Variants in SDK1 observed in about 807,000 individuals in gnomAD.
SDK1 encodes the protein sidekick cell adhesion molecule 1.
SDK1 carries 157 observed loss-of-function variants against 245.5 expected under a neutral mutation model. That is an observed-to-expected ratio of 0.64 (90% CI 0.56 to 0.73). The LOEUF (loss-of-function observed/expected upper bound fraction) is 0.73, where lower values mean the gene tolerates loss of function less well. Ranked by LOEUF, SDK1 falls within the 30% of genes least tolerant of loss-of-function variation. The pLI is 0.00. For missense variants in SDK1, 3,583 were observed against 3,002.3 expected, an observed-to-expected ratio of 1.19 and a Z score of -4.52; for synonymous variants, 1,647 against 1,278.5, an observed-to-expected ratio of 1.29 and a Z score of -6.15.
At chr7:4,239,657 G>T (rs1478120951) in intron 42 of SDK1, among the ~76,000 whole-genome samples, 1 of 152,126 alleles carries the variant, frequency 6.6e-6, no homozygotes, top group African/African-American at 2.4e-5. Context: ...AGCCACGCAC[G>T]GCGCCCGGCC....
intron 19 of SDK1, among the ~76,000 whole-genome samples, chr7:4,064,145 C>T (rs1381069174): frequency 1.3e-5 from 2 of 152,104 alleles, no homozygotes; most frequent in Non-Finnish European, 2.9e-5. Flanking sequence ...AAGAGACAGC[C>T]TGTTGAATGG....
chr7:3,531,024 A>C (rs934964321), intron 1 of SDK1, among the ~76,000 whole-genome samples: 2 of 152,200 alleles, frequency 1.3e-5, no homozygotes, highest in Non-Finnish European at 2.9e-5. Flanking sequence ...AGCTATTAGA[A>C]TATTCTGTCA....
At chr7:3,725,290 C>G (rs1162839761) in intron 4 of SDK1, among the ~76,000 whole-genome samples, 1 of 152,132 alleles carries the variant, frequency 6.6e-6, no homozygotes, top group Non-Finnish European at 1.5e-5. Context: ...ATCCAAAGCA[C>G]ATGGATCTCA....
At chr7:3,931,102 A>G (rs1779961461) in intron 5 of SDK1, among the ~76,000 whole-genome samples, 1 of 152,228 alleles carries the variant, frequency 6.6e-6, no homozygotes, top group Non-Finnish European at 1.5e-5. Context: ...GAGAGACGTT[A>G]TAAGGATTCA....
intron 44 of SDK1, among the ~76,000 whole-genome samples, chr7:4,261,872 C>A (rs1006694805): frequency 6.6e-6 from 1 of 151,914 alleles, no homozygotes; most frequent in Non-Finnish European, 1.5e-5. Context: ...GGTGGATCCC[C>A]TAGGAGCCTG....
At chr7:4,189,695 G>C (rs997719034) in intron 35 of SDK1, among the ~76,000 whole-genome samples, 3 of 152,118 alleles carry the variant, frequency 2.0e-5, no homozygotes, top group Non-Finnish European at 4.4e-5. Flanking sequence ...ACAAAAATTA[G>C]CTGGATATCG....
chr7:3,985,288 T>G (rs983623721), intron 13 of SDK1, among the ~76,000 whole-genome samples: 1 of 152,262 alleles, frequency 6.6e-6, no homozygotes, highest in African/African-American at 2.4e-5. Flanking sequence ...TTCTTTATGA[T>G]AAACCATCTT....
At chr7:3,599,329 T>C (rs1781179192) in intron 1 of SDK1, among the ~76,000 whole-genome samples, 1 of 152,164 alleles carries the variant, frequency 6.6e-6, no homozygotes, top group Non-Finnish European at 1.5e-5. Flanking sequence ...GTTTGTTTCC[T>C]GCTACTGATT....
intron 1 of SDK1, among the ~76,000 whole-genome samples, chr7:3,315,623 T>C (rs1253087690): frequency 1.3e-5 from 2 of 152,246 alleles, no homozygotes; most frequent in Non-Finnish European, 2.9e-5. Context: ...GCCTACTTAA[T>C]GTGCTTATCT....
chr7:3,748,398 T>C (rs1298457779), intron 4 of SDK1, among the ~76,000 whole-genome samples: 1 of 152,250 alleles, frequency 6.6e-6, no homozygotes, highest in Non-Finnish European at 1.5e-5. Flanking sequence ...GAACATTTCA[T>C]TGAATAGCCT....
intron 9 of SDK1, among the ~76,000 whole-genome samples, chr7:3,963,753 T>C (rs2128130299): frequency 6.6e-6 from 1 of 150,694 alleles, no homozygotes; most frequent in African/African-American, 2.4e-5. Context: ...CATGGCTATC[T>C]GGATGTAACC....
chr7:4,210,623 G>A (rs991455728), intron 38 of SDK1, among the ~76,000 whole-genome samples: 1 of 152,114 alleles, frequency 6.6e-6, no homozygotes, highest in Non-Finnish European at 1.5e-5. Flanking sequence ...TTAGCACCCT[G>A]GTGCTCCCCT....
At chr7:3,844,666 C>T (rs1212516768) in intron 5 of SDK1, among the ~76,000 whole-genome samples, 1 of 152,190 alleles carries the variant, frequency 6.6e-6, no homozygotes, top group African/African-American at 2.4e-5. Context: ...ACAGAAAAAT[C>T]CCATTTAAAA....
chr7:3,705,026 T>C (rs112982868), intron 4 of SDK1, among the ~76,000 whole-genome samples: 2,288 of 152,342 alleles, frequency 0.015, 61 homozygotes, highest in African/African-American at 0.051. Context: ...CTAGGCTCTC[T>C]ACTCTGTTTC....
At chr7:3,335,432 T>G (rs1780175701) in intron 1 of SDK1, among the ~76,000 whole-genome samples, 1 of 152,268 alleles carries the variant, frequency 6.6e-6, no homozygotes, top group African/African-American at 2.4e-5. Flanking sequence ...TTTTTTTTTT[T>G]TTCTGTTCCC....
intron 1 of SDK1, among the ~76,000 whole-genome samples, chr7:3,350,498 T>A (rs7800260): frequency 4.5e-4 from 68 of 152,158 alleles, no homozygotes; most frequent in Admixed American, 1.2e-3. Context: ...TTCAGTCTTC[T>A]TGGTGGTTAT....
At chr7:3,519,214 A>G (rs1391254708) in intron 1 of SDK1, among the ~76,000 whole-genome samples, 3 of 152,160 alleles carry the variant, frequency 2.0e-5, no homozygotes, top group Admixed American at 6.6e-5. Context: ...AATCAGTTCA[A>G]GTCTTCCATA....
intron 1 of SDK1, among the ~76,000 whole-genome samples, chr7:3,404,741 A>G (rs1054781720): frequency 6.6e-6 from 1 of 152,220 alleles, no homozygotes; most frequent in Non-Finnish European, 1.5e-5. Context: ...CAGTAGTACA[A>G]TATGGGAGGC....
intron 28 of SDK1, among the ~76,000 whole-genome samples, chr7:4,136,351 CA>C (rs1779091229): frequency 1.3e-5 from 2 of 152,190 alleles, no homozygotes; most frequent in African/African-American, 4.8e-5. Context: ...GAAAGCAAAA[CA>C]TCTTTTCGTC....
Sources: allele counts gnomAD v4.1 joint callset (sites outside exome capture counted in the v4.1 genomes callset), GRCh38; gene constraint gnomAD v4.1.1; transcripts MANE v1.5; gene names NCBI Gene and HGNC (gene_info 2026-07-23, HGNC 2026-07-21).